BRD10: variants seen among roughly 807,000 people sequenced by gnomAD.
BRD10 encodes the protein bromodomain containing 10, also known as uncharacterized bromodomain-containing protein 10.
At chr9:5,955,277 C>A in the BRD10 span, among the ~76,000 whole-genome samples, 1 of 150,958 alleles carries the variant, frequency 6.6e-6, no homozygotes, top group Non-Finnish European at 1.5e-5. Flanking sequence ...AAATCCTATC[C>A]TCTAGGAGCT....
At chr9:5,932,892 G>C in the BRD10 span, among the ~76,000 whole-genome samples, 1 of 152,034 alleles carries the variant, frequency 6.6e-6, no homozygotes, top group Non-Finnish European at 1.5e-5. Flanking sequence ...AAATCTCTAA[G>C]ACTTATTTTA....
the BRD10 span, among the ~76,000 whole-genome samples, chr9:5,958,967 C>A: frequency 6.6e-6 from 1 of 152,102 alleles, no homozygotes; most frequent in African/African-American, 2.4e-5. Context: ...AGCAATTTGA[C>A]CTTAACAAAA....
At chr9:6,003,369 T>C in the BRD10 span, among the ~76,000 whole-genome samples, 9 of 152,310 alleles carry the variant, frequency 5.9e-5, no homozygotes, top group South Asian at 4.1e-4. Context: ...ATACTAATAT[T>C]TGACGTTCTC....
the BRD10 span, chr9:5,968,013 G>C: frequency 6.8e-7 from 1 of 1,474,688 alleles, no homozygotes; most frequent in Non-Finnish European, 9.1e-7. Context: ...ATTTGTGTTA[G>C]CTTACCAGAT....
chr9:5,923,737 G>A, the BRD10 span, among the ~76,000 whole-genome samples: 1 of 152,100 alleles, frequency 6.6e-6, no homozygotes, highest in Non-Finnish European at 1.5e-5. Flanking sequence ...TCTATTTCTA[G>A]AGACTCTAAA....
the BRD10 span, among the ~76,000 whole-genome samples, chr9:5,902,695 CAG>C: frequency 1.3e-5 from 2 of 150,992 alleles, no homozygotes; most frequent in Non-Finnish European, 2.9e-5. Context: ...TTTGTAGAGA[CAG>C]AGTCTCACTA....
the BRD10 span, among the ~76,000 whole-genome samples, chr9:5,937,354 T>C: frequency 6.6e-6 from 1 of 151,152 alleles, no homozygotes; most frequent in Non-Finnish European, 1.5e-5. Context: ...CTGGCCAATA[T>C]GGTGAAACCA....
the BRD10 span, chr9:5,897,779 G>A: frequency 1.2e-6 from 1 of 832,766 alleles, no homozygotes; most frequent in Non-Finnish European, 2.0e-6. Context: ...TCCGGCTTCT[G>A]ATGCCTCTTT....
chr9:5,968,015 T>C, the BRD10 span: 2 of 1,484,306 alleles, frequency 1.3e-6, no homozygotes, highest in Non-Finnish European at 1.8e-6. Context: ...TTGTGTTAGC[T>C]TACCAGATTT....
chr9:5,988,329 TTTTC>T, the BRD10 span: 2 of 1,594,330 alleles, frequency 1.3e-6, no homozygotes, highest in East Asian at 2.2e-5. Flanking sequence ...TTATGAATTT[TTTTC>T]TTAACATTTA....
the BRD10 span, among the ~76,000 whole-genome samples, chr9:5,995,872 A>G: frequency 6.6e-6 from 1 of 152,216 alleles, no homozygotes; most frequent in African/African-American, 2.4e-5. Context: ...CAATTTGTAC[A>G]TATGGAATTA....
At chr9:6,008,135 G>A in the BRD10 span, 1 of 983,672 alleles carries the variant, frequency 1.0e-6, no homozygotes, top group Non-Finnish European at 1.2e-6. Flanking sequence ...GGTCGCCGCG[G>A]CCTCGGCGCC....
chr9:5,984,752 T>C, the BRD10 span, among the ~76,000 whole-genome samples: 3 of 151,944 alleles, frequency 2.0e-5, no homozygotes, highest in African/African-American at 7.2e-5. Context: ...CCATGAAATA[T>C]GTAGGGAAAA....
At chr9:5,985,480 A>G in the BRD10 span, among the ~76,000 whole-genome samples, 2 of 152,220 alleles carry the variant, frequency 1.3e-5, no homozygotes, top group Non-Finnish European at 2.9e-5. Flanking sequence ...AAGGGCTTAT[A>G]TCCAGAATAC....
At chr9:6,005,533 C>T in the BRD10 span, among the ~76,000 whole-genome samples, 1 of 152,178 alleles carries the variant, frequency 6.6e-6, no homozygotes, top group Non-Finnish European at 1.5e-5. Flanking sequence ...ATGTTTATTA[C>T]ACACAGAGCT....
the BRD10 span, among the ~76,000 whole-genome samples, chr9:5,960,899 A>G: frequency 6.2e-4 from 94 of 152,330 alleles, 1 homozygote; most frequent in South Asian, 3.5e-3. Flanking sequence ...GGACCTATTT[A>G]TTGCCCAAAG....
At chr9:5,953,991 T>C in the BRD10 span, 1 of 1,443,466 alleles carries the variant, frequency 6.9e-7, no homozygotes, top group Admixed American at 2.1e-5. Context: ...ATTGAAAAAT[T>C]TCGAGACAAA....
the BRD10 span, among the ~76,000 whole-genome samples, chr9:5,977,432 C>T: frequency 2.0e-5 from 3 of 152,108 alleles, no homozygotes; most frequent in African/African-American, 7.2e-5. Context: ...TTTCCTGATC[C>T]TCAGTAGTGT....
At chr9:5,930,437 T>C in the BRD10 span, among the ~76,000 whole-genome samples, 1 of 150,110 alleles carries the variant, frequency 6.7e-6, no homozygotes, top group Non-Finnish European at 1.5e-5. Flanking sequence ...CATATAAACC[T>C]GTGTGACGAA....
Sources: gnomAD v4.1 joint callset for allele counts (sites outside exome capture counted in the v4.1 genomes callset) on GRCh38, gnomAD v4.1.1 for gene constraint, MANE v1.5 for transcripts, NCBI Gene and HGNC (gene_info 2026-07-23, HGNC 2026-07-21) for gene names.